Variants in NBEA observed in about 807,000 individuals in gnomAD.
NBEA encodes neurobeachin, also known as lysosomal-trafficking regulator 2.
Under a neutral mutation model 343.4 loss-of-function variants are expected in NBEA, and 44 were observed. The ratio of observed to expected loss-of-function variants is 0.13; its 90% confidence interval spans 0.10 to 0.16. NBEA has a LOEUF of 0.16. NBEA is among the 10% of genes least tolerant of loss of function. NBEA has a pLI of 1.00. For missense variants in NBEA, 2,555 were observed against 3,631.3 expected, an observed-to-expected ratio of 0.70 and a Z score of 7.62; for synonymous variants, 1,175 against 1,238.7, an observed-to-expected ratio of 0.95 and a Z score of 1.08.
chr13:35,205,817 A>G (rs2073355782), intron 31 of NBEA, among the ~76,000 whole-genome samples: 1 of 152,030 alleles, frequency 6.6e-6, no homozygotes, highest in East Asian at 1.9e-4. Flanking sequence ...ACCTCCTTTT[A>G]TCTTTATAAC....
At chr13:35,176,012 A>G (rs1164618018) in intron 27 of NBEA, among the ~76,000 whole-genome samples, 2 of 152,098 alleles carry the variant, frequency 1.3e-5, no homozygotes, top group Admixed American at 6.6e-5. Flanking sequence ...ATTATGTATT[A>G]TTTTCTTTAA....
At chr13:35,201,149 G>T (rs551125218) in intron 31 of NBEA, among the ~76,000 whole-genome samples, 2 of 151,964 alleles carry the variant, frequency 1.3e-5, no homozygotes, top group South Asian at 4.2e-4. Context: ...TTATTATGCT[G>T]CAAGTGCCCT....
rs536035302 is a variant in NBEA at position 35,585,754 on chromosome 13, C to T, written c.7176+1716C>T. On this transcript the variant is annotated intron_variant, in intron 46 of 58. Coordinates refer to ENST00000379939, the MANE Select transcript of NBEA (RefSeq NM_001385012.1). ...TCATGTACCTGCTGTGGTTAAATGC[C>T]GTGATTATTCACTCAGCTGCCCAAT... Among the ~76,000 whole-genome samples the T allele has an allele frequency of 2.0e-5, 3 of 151,942 alleles. No homozygotes were observed. The East Asian group carries it at 5.8e-4, about 29-fold the overall frequency.
At position 35,432,282 on chromosome 13, in the gene NBEA, T is replaced by G; in HGVS notation, c.6193T>G (p.Phe2065Val). The change falls in exon 39 of 59, where the codon TTC (phenylalanine) becomes GTC (valine). Residue 2065 changes from phenylalanine (F) to valine (V), a missense_variant. Coordinates refer to ENST00000379939, the MANE Select transcript of NBEA (RefSeq NM_001385012.1). ...CTCTACTCTTAGCCAATTGCATGAT[T>G]TCTGGCGTTTGGATTACTGGGAAGA... ...GAVSHSQLHD[F>V]WRLDYWEDDL... is the part of the protein sequence containing the mutation. The G allele has an allele frequency of 6.2e-7, 1 of 1,601,376 alleles. No homozygotes were observed. Among genetic ancestry groups the G allele is most frequent in the Non-Finnish European group, 8.5e-7 (1 of 1,173,132 alleles).
At chr13:34,962,801 A>C (rs762719286) in intron 1 of NBEA, among the ~76,000 whole-genome samples, 10 of 151,994 alleles carry the variant, frequency 6.6e-5, no homozygotes, top group Admixed American at 2.6e-4. Flanking sequence ...CCTGGAAAGC[A>C]GAAGATGTGT....
At position 35,429,130 on chromosome 13, in the gene NBEA, TGGGAGG is replaced by T. The variant is rs137955472; in HGVS notation, c.6180-3138_6180-3133del. On this transcript the variant is annotated intron_variant, in intron 38 of 58. Transcript: ENST00000379939. The stretch of plus-strand genomic sequence containing the variant: ...GGAGGGATGCCCCATTACTGTCCAA[TGGGAGG>T]TGGAAATCCAACCTCTCCACATGGT... 2.0e-5 allele frequency among the ~76,000 whole-genome samples: 3 copies of T among 152,308 alleles called. No homozygotes were observed. The East Asian group carries it at 5.8e-4, about 29-fold the overall frequency.
In NBEA at chr13:35,045,420, T is replaced by A; in HGVS notation, c.723+19T>A. On this transcript the variant is annotated intron_variant, in intron 4 of 58. Coordinates refer to ENST00000379939, the MANE Select transcript of NBEA (RefSeq NM_001385012.1). ...CGCTGCGGTAAGTTTTAAATACATG[T>A]GCTGATTTTTATTTATTTATTTTTA... 6.5e-7 allele frequency: 1 copy of A among 1,538,834 alleles called. No homozygotes were observed. The highest frequency in any genetic ancestry group is 8.9e-7 in the Non-Finnish European group (1 of 1,128,380).
rs528451941 is a variant in NBEA at position 35,444,787 on chromosome 13, T to G, written c.6305-7305T>G. Among the ~76,000 whole-genome samples, 3 of 152,238 alleles carry G rather than the reference T, an allele frequency of 2.0e-5. No individual in the cohort carries two copies. In the South Asian group the frequency reaches 6.2e-4, roughly 32 times the overall value. On this transcript the variant is annotated intron_variant, in intron 39 of 58. Coordinates refer to ENST00000379939, the MANE Select transcript of NBEA (RefSeq NM_001385012.1). ...CAAGATACTAAACATATTTATATAA[T>G]TAAATATCTGTATGCAAAATCAGAA...
At chr13:35,659,352 G>A (rs889894495) in intron 55 of NBEA, among the ~76,000 whole-genome samples, 7 of 152,046 alleles carry the variant, frequency 4.6e-5, no homozygotes, top group African/African-American at 1.7e-4. Flanking sequence ...ACCTTTACAT[G>A]CATATCACTA....
At chr13:34,985,621 C>T (rs1308705402) in intron 1 of NBEA, among the ~76,000 whole-genome samples, 1 of 150,862 alleles carries the variant, frequency 6.6e-6, no homozygotes, top group African/African-American at 2.4e-5. Flanking sequence ...GTGCTACCAG[C>T]TCCTTTTTGT....
chr13:35,120,610 G>T lies in NBEA; in HGVS notation c.2243+2136G>T, dbSNP rs559239777. Among the ~76,000 whole-genome samples, 8 of 152,294 alleles carry T rather than the reference G, an allele frequency of 5.3e-5. No homozygotes were observed. The South Asian group carries it at 1.7e-3, about 32-fold the overall frequency. ...GTTGTAATTCATACAGTTGAATTCAGTATAACAGTTGAACAAAAAGAATGA... is the reference window on the plus strand; with the variant it reads ...GTTGTAATTCATACAGTTGAATTCATTATAACAGTTGAACAAAAAGAATGA... On this transcript the variant is annotated intron_variant, in intron 16 of 58. Coordinates refer to ENST00000379939, the MANE Select transcript of NBEA (RefSeq NM_001385012.1).
intron 41 of NBEA, among the ~76,000 whole-genome samples, chr13:35,536,679 G>GACAA (rs1717814404): frequency 1.3e-5 from 2 of 152,196 alleles, no homozygotes; most frequent in Admixed American, 1.3e-4. Flanking sequence ...TAGACAGACA[G>GACAA]ACAGACAGTC....
intron 27 of NBEA, among the ~76,000 whole-genome samples, chr13:35,176,678 T>C (rs2070924755): frequency 6.6e-6 from 1 of 151,954 alleles, no homozygotes; most frequent in Middle Eastern, 3.2e-3. Context: ...CAAAGAGATT[T>C]GTTAACTAGA....
intron 33 of NBEA, among the ~76,000 whole-genome samples, chr13:35,221,752 C>A (rs2152761980): frequency 6.6e-6 from 1 of 152,220 alleles, no homozygotes; most frequent in Non-Finnish European, 1.5e-5. Context: ...CCTATAGAAT[C>A]ATAAATCAGA....
rs574585049 is a variant in NBEA, at chr13:35,134,361, CA to C, written c.2337-7898del. Among the ~76,000 whole-genome samples the C allele has an allele frequency of 5.8e-3, 771 of 133,374 alleles. 7 individuals carry two copies. The highest frequency in any genetic ancestry group is 0.019 in the African/African-American group (704 of 36,468). 87.5% of individuals were successfully genotyped at this position (133,374 alleles called of 152,430 possible). ...ATACTTCATGGCTAAAGAAGATATA[CA>C]AAAAAAAAAGGCGGGTCATGTCCTG... On this transcript the variant is annotated intron_variant, in intron 17 of 58. Transcript: ENST00000379939.
chr13:35,634,611 A>T (rs540814056), intron 49 of NBEA, among the ~76,000 whole-genome samples: 1 of 152,336 alleles, frequency 6.6e-6, no homozygotes, highest in East Asian at 1.9e-4. Flanking sequence ...AGGTATGCAC[A>T]TAAGTCTATC....
chr13:35,601,872 G>GT (rs1223371169), intron 47 of NBEA, among the ~76,000 whole-genome samples: 8 of 151,764 alleles, frequency 5.3e-5, no homozygotes, highest in Non-Finnish European at 1.0e-4. Context: ...AAGTATCTGG[G>GT]TTTGATTTTT....
chr13:35,601,618 C>A (rs150362152), intron 47 of NBEA, among the ~76,000 whole-genome samples: 1 of 151,718 alleles, frequency 6.6e-6, no homozygotes, highest in African/African-American at 2.4e-5. Flanking sequence ...AAAAATTAGC[C>A]AGGTGTGGTG....
At chr13:35,484,409 A>G (rs900442468) in intron 41 of NBEA, among the ~76,000 whole-genome samples, 1 of 151,886 alleles carries the variant, frequency 6.6e-6, no homozygotes, top group Non-Finnish European at 1.5e-5. Context: ...TCAGGGGGAA[A>G]AATGTGGGAT....
Sources: allele counts gnomAD v4.1 joint callset (sites outside exome capture counted in the v4.1 genomes callset), GRCh38; gene constraint gnomAD v4.1.1; transcripts MANE v1.5; gene names NCBI Gene and HGNC (gene_info 2026-07-23, HGNC 2026-07-21).